TUSC3: variants seen among roughly 807,000 people sequenced by gnomAD.
TUSC3 encodes tumor suppressor candidate 3.
In TUSC3, 45 loss-of-function variants were observed where a neutral mutation model predicts 44.8. The observed-to-expected ratio is 1.00, with a 90% CI of 0.79 to 1.29. The LOEUF is 1.29. Among genes scored for constraint, TUSC3 ranks in the 50% most tolerant of loss-of-function variants. The pLI is 0.00. For missense variants in TUSC3, 519 were observed against 437.9 expected (o/e 1.19, Z -1.65); for synonymous variants, 212 against 152.9 (o/e 1.39, Z -2.85).
chr8:15,575,636 G>A (rs903970522), intron 1 of TUSC3, among the ~76,000 whole-genome samples: 4 of 152,066 alleles, frequency 2.6e-5, no homozygotes, highest in African/African-American at 9.6e-5. Flanking sequence ...GAATGGTGGC[G>A]GGCATCTATA....
intron 6 of TUSC3, among the ~76,000 whole-genome samples, chr8:15,721,201 T>G (rs756755228): frequency 1.3e-5 from 2 of 152,054 alleles, no homozygotes; most frequent in African/African-American, 2.4e-5. Context: ...TTACATAGCT[T>G]TCCTGGGGAA....
intron 1 of TUSC3, among the ~76,000 whole-genome samples, chr8:15,427,825 C>G (rs1487181266): frequency 1.3e-5 from 2 of 150,362 alleles, no homozygotes; most frequent in Non-Finnish European, 3.0e-5. Flanking sequence ...AAATCTTTGA[C>G]AACACCAATG....
intron 1 of TUSC3, among the ~76,000 whole-genome samples, chr8:15,565,719 T>C (rs1802642353): frequency 6.6e-6 from 1 of 152,016 alleles, no homozygotes; most frequent in African/African-American, 2.4e-5. Flanking sequence ...GGTTTCTGTT[T>C]TCCTGACTGA....
the TUSC3 span, among the ~76,000 whole-genome samples, chr8:15,777,148 T>C: frequency 6.6e-6 from 1 of 152,064 alleles, no homozygotes; most frequent in African/African-American, 2.4e-5. Flanking sequence ...GACTCTGGAG[T>C]AGGGTAACTA....
upstream of TUSC3, among the ~76,000 whole-genome samples, chr8:15,537,538 C>A (rs183820190): frequency 3.0e-3 from 457 of 152,310 alleles, 5 homozygotes; most frequent in Non-Finnish European, 5.8e-3. Flanking sequence ...TGACTCTTGT[C>A]ATCAACCTAA....
intron 6 of TUSC3, among the ~76,000 whole-genome samples, chr8:15,683,667 G>A (rs4298487): frequency 0.21 from 31,756 of 151,982 alleles, 4,231 homozygotes; most frequent in Non-Finnish European, 0.3. Context: ...AGGATCGATT[G>A]TTAGGGAGCT....
At chr8:15,830,729 G>A in the TUSC3 span, among the ~76,000 whole-genome samples, 16,030 of 151,990 alleles carry the variant, frequency 0.11, 954 homozygotes, top group East Asian at 0.25. Context: ...GACATACAGA[G>A]GGAAATAATA....
intron 1 of TUSC3, among the ~76,000 whole-genome samples, chr8:15,442,166 C>T (rs7827469): frequency 0.16 from 24,710 of 151,856 alleles, 2,078 homozygotes; most frequent in Middle Eastern, 0.23. Context: ...CTTATTACTT[C>T]TTTGTCAAAT....
the TUSC3 span, among the ~76,000 whole-genome samples, chr8:15,827,862 G>T: frequency 6.6e-6 from 1 of 152,128 alleles, no homozygotes; most frequent in Non-Finnish European, 1.5e-5. Flanking sequence ...TTGGGATGTT[G>T]GGATAGGGTG....
chr8:15,591,827 G>A (rs1332803951), intron 1 of TUSC3, among the ~76,000 whole-genome samples: 1 of 152,168 alleles, frequency 6.6e-6, no homozygotes. Context: ...CGCCTTCTTA[G>A]TAATGTTAAG....
At chr8:15,812,406 A>G in the TUSC3 span, among the ~76,000 whole-genome samples, 1 of 152,130 alleles carries the variant, frequency 6.6e-6, no homozygotes, top group Admixed American at 6.5e-5. Flanking sequence ...TAATTTTGAG[A>G]AAATGGTTTT....
intron 6 of TUSC3, among the ~76,000 whole-genome samples, chr8:15,723,887 C>G (rs1374266569): frequency 6.6e-6 from 1 of 152,112 alleles, no homozygotes; most frequent in Non-Finnish European, 1.5e-5. Context: ...TACATTCCCA[C>G]TAGCTGATAG....
chr8:15,784,493 T>C, the TUSC3 span, among the ~76,000 whole-genome samples: 1 of 140,842 alleles, frequency 7.1e-6, no homozygotes, highest in Non-Finnish European at 1.5e-5. Context: ...AAAAATGTTA[T>C]GTGTATGTGT....
chr8:15,630,938 A>G (rs1386573231), intron 2 of TUSC3, among the ~76,000 whole-genome samples: 3 of 152,200 alleles, frequency 2.0e-5, no homozygotes, highest in Non-Finnish European at 4.4e-5. Context: ...TCCCTTGTAC[A>G]TCACTTAAAG....
chr8:15,774,235 G>T, the TUSC3 span, among the ~76,000 whole-genome samples: 8 of 126,068 alleles, frequency 6.3e-5, no homozygotes, highest in Admixed American at 5.8e-4. Context: ...GTCAAATTTT[G>T]TCTCCTCAAA....
At chr8:15,720,201 T>TATACACACACACACAC (rs369753796) in intron 6 of TUSC3, among the ~76,000 whole-genome samples, 67 of 141,688 alleles carry the variant, frequency 4.7e-4, no homozygotes, top group South Asian at 2.1e-3. Context: ...TATATATATA[T>TATACACACACACACAC]ACACACACAC....
intron 6 of TUSC3, among the ~76,000 whole-genome samples, chr8:15,681,712 C>A (rs552726437): frequency 6.6e-6 from 1 of 151,738 alleles, no homozygotes; most frequent in South Asian, 2.1e-4. Flanking sequence ...TGTCTGCTAC[C>A]TTTTGGGCTA....
rs756301256 is a variant in TUSC3 at position 15,558,436 on chromosome 8, A to C, written c.138+17868A>C. Among the ~76,000 whole-genome samples, 596 of 61,016 alleles carry C rather than the reference A, an allele frequency of 9.8e-3. 68 individuals carry two copies. Among genetic ancestry groups the C allele is most frequent in the Middle Eastern group, 0.054 (9 of 166 alleles). 40.0% of individuals were successfully genotyped at this position (61,016 alleles called of 152,430 possible). ...TATTTTATTGAGGATTTTTGCATCA[A>C]TGTTCATCAAGGATATTGGTCTAAA... On this transcript the variant is annotated intron_variant, in intron 1 of 10. Transcript: ENST00000503731.
At chr8:15,490,972 G>GC (rs201425659) in intron 2 of TUSC3, among the ~76,000 whole-genome samples, 1,731 of 152,090 alleles carry the variant, frequency 0.011, 35 homozygotes, top group African/African-American at 0.039. Flanking sequence ...AGGGTCTGGG[G>GC]CCCCCCCAAT....
Sources: allele counts gnomAD v4.1 joint callset (sites outside exome capture counted in the v4.1 genomes callset), GRCh38; gene constraint gnomAD v4.1.1; transcripts MANE v1.5; gene names NCBI Gene and HGNC (gene_info 2026-07-23, HGNC 2026-07-21).